ESYT1: variants seen among roughly 807,000 people sequenced by gnomAD.
ESYT1 encodes extended synaptotagmin 1.
ESYT1 carries 116 observed loss-of-function variants against 154.2 expected under a neutral mutation model. The observed-to-expected ratio is 0.75, with a 90% CI of 0.65 to 0.88. The LOEUF (loss-of-function observed/expected upper bound fraction) is 0.88, where lower values mean the gene tolerates loss of function less well. Among genes scored for constraint, ESYT1 ranks in the 40% least tolerant of loss-of-function variants. The pLI is 0.00. For missense variants in ESYT1, 1,264 were observed against 1,379.3 expected (o/e 0.92, Z 1.32); for synonymous variants, 500 against 539.9 (o/e 0.93, Z 1.02).
At chr12:56,136,610 A>G in intron 15 of ESYT1, 134 bp from the exon 16 acceptor site, 2 of 607,720 alleles carry the variant, frequency 3.3e-6, no homozygotes, top group Non-Finnish European at 4.8e-6. Context: ...AAAAAAAAAA[A>G]GATGGCCCTG....
In ESYT1 at chr12:56,142,151, T is replaced by A; in HGVS notation, c.2593-134T>A. On this transcript the variant is annotated intron_variant, in intron 24 of 30. Transcript: ENST00000394048. The surrounding 1 kb of genome is among the most constrained non-coding windows in gnomAD (Gnocchi z 4.1). ...AGGGAGGGACTAGCAACTGTTACCATGGCTTCCCTGCCTTTCTCAAAGGGA... is the reference window on the plus strand; with the variant it reads ...AGGGAGGGACTAGCAACTGTTACCAAGGCTTCCCTGCCTTTCTCAAAGGGA... 2 of 1,004,284 alleles carry A rather than the reference T, an allele frequency of 2.0e-6. No homozygotes were observed. The highest frequency in any genetic ancestry group is 2.9e-6 in the Non-Finnish European group (2 of 683,836). The allele number at this position is 1,004,284 out of a possible 1,614,324, so 62.2% of individuals were successfully genotyped here. A position where few individuals can be genotyped will look rare whatever the true frequency, so the allele number is the denominator to read the frequency against.
Position 56,142,715 on chromosome 12 carries a change from C to T in ESYT1, c.2871C>T (p.Arg957=). 6.2e-7 allele frequency: 1 copy of T among 1,613,912 alleles called. No individual in the cohort carries two copies. The highest frequency in any genetic ancestry group is 8.5e-7 in the Non-Finnish European group (1 of 1,180,044). Residue 957 remains arginine (R), a synonymous_variant, in exon 26 of 31, where the codon CGC becomes CGT. Coordinates refer to ENST00000394048, the MANE Select transcript of ESYT1 (RefSeq NM_015292.3). This position sits in a 1 kb window ranked among gnomAD's most constrained non-coding sequence, Gnocchi z 4.1. The part of the protein sequence containing the change: ...ITSSAPELRQ[R]LTHVDSPLEA... ...CCTCAGCCCCAGAGCTCCGGCAGCG[C>T]CTAACACATGTTGACAGGTAAAGGG...
chr12:56,143,810 C>T lies in ESYT1; in HGVS notation c.3276-13C>T, dbSNP rs963711735. 1.2e-6 allele frequency: 2 copies of T among 1,614,038 alleles called. No individual in the cohort carries two copies. Among genetic ancestry groups the T allele is most frequent in the South Asian group, 1.1e-5 (1 of 91,078 alleles). ...ACAAGAGTCATCTTTCTACATGAGC[C>T]CTCTTTTCACAGGTATGACCTGATG... On this transcript the variant is annotated splice_polypyrimidine_tract_variant and intron_variant, in intron 30 of 30. Transcript: ENST00000394048.
Position 56,143,829 on chromosome 12 carries a change from C to A in ESYT1, c.3282C>A (p.Asp1094Glu), listed in dbSNP as rs758018341. The A allele has an allele frequency of 6.2e-7, 1 of 1,614,070 alleles. No individual in the cohort carries two copies. The highest frequency in any genetic ancestry group is 1.1e-5 in the South Asian group (1 of 91,084). The change falls in exon 31 of 31, where the codon GAC becomes GAA. Residue 1094 changes from aspartate (D) to glutamate (E), a missense_variant. By Grantham distance (45) the Asp-to-Glu change is conservative. Transcript: ENST00000394048. Reference sequence around the variant, plus strand: ...ATGAGCCCTCTTTTCACAGGTATGACCTGATGGACAACAAGGACAAGGGCA... The same window carrying A: ...ATGAGCCCTCTTTTCACAGGTATGAACTGATGGACAACAAGGACAAGGGCA... ...DLSQGVARWY[D>E]LMDNKDKGSS is the part of the protein sequence containing the mutation.
At position 56,142,583 on chromosome 12, in the gene ESYT1, G is replaced by C. The variant is rs1213673685; in HGVS notation, c.2739G>C (p.Leu913=). The part of the protein sequence containing the change: ...QVLLRAQLGI[L]VSQHSGVEAH... The stretch of plus-strand genomic sequence containing the variant: ...CACAGCTTTCTTGCCCCTAGATCCT[G>C]GTGTCCCAGCACTCGGGAGTGGAAG... Residue 913 remains leucine (L), a synonymous_variant, in exon 26 of 31, where the codon CTG becomes CTC. Coordinates refer to ENST00000394048, the MANE Select transcript of ESYT1 (RefSeq NM_015292.3). This position sits in a 1 kb window ranked among gnomAD's most constrained non-coding sequence, Gnocchi z 4.1. 1 of 1,614,116 alleles carries C rather than the reference G, an allele frequency of 6.2e-7. No homozygotes were observed. Among genetic ancestry groups the C allele is most frequent in the Non-Finnish European group, 8.5e-7 (1 of 1,180,028 alleles).
intron 24 of ESYT1, among the ~76,000 whole-genome samples, chr12:56,141,566 CTGT>C (rs1266301776): frequency 6.6e-6 from 1 of 152,130 alleles, no homozygotes; most frequent in African/African-American, 2.4e-5. Flanking sequence ...CGGTGAAACC[CTGT>C]CTCTATTAAA....
At chr12:56,133,236 C>T (rs1255601933) in intron 10 of ESYT1, among the ~76,000 whole-genome samples, 181 bp from the exon 11 acceptor site, 2 of 152,156 alleles carry the variant, frequency 1.3e-5, no homozygotes, top group South Asian at 2.1e-4. Flanking sequence ...CTAACCTCCC[C>T]ACCCCCAGCC....
Position 56,137,614 on chromosome 12 carries a change from G to A in ESYT1, c.2054G>A (p.Arg685Gln), listed in dbSNP as rs575075620. 1.3e-5 allele frequency: 21 copies of A among 1,614,154 alleles called. No individual in the cohort carries two copies. In the East Asian group the frequency reaches 2.5e-4, roughly 19 times the overall value. Residue 685 changes from arginine to glutamine, a missense_variant, in exon 18 of 31, where the codon CGA becomes CAA. Arg to Gln is a conservative substitution (Grantham distance 43). Coordinates refer to ENST00000394048, the MANE Select transcript of ESYT1 (RefSeq NM_015292.3). ...DPYVKLKLAG[R>Q]SFRSHVVRED... ...TATGTCAAACTAAAGTTGGCAGGAC[G>A]AAGCTTCCGGAGCCATGTTGTTCGG... is the stretch of plus-strand genomic sequence containing the variant.
Position 56,132,607 on chromosome 12 carries a change from T to C in ESYT1, c.1161+10T>C, listed in dbSNP as rs768309306. 1.2e-6 allele frequency: 2 copies of C among 1,613,670 alleles called. No individual in the cohort carries two copies. Among genetic ancestry groups the C allele is most frequent in the South Asian group, 1.1e-5 (1 of 91,052 alleles). On this transcript the variant is annotated intron_variant, in intron 9 of 30. Coordinates refer to ENST00000394048, the MANE Select transcript of ESYT1 (RefSeq NM_015292.3). ...GGGAGAGACTTATGAGGTGGGAGAGTTGAGCAGCTCTGTGAAATGGGGAAG... is the reference window on the plus strand; with the variant it reads ...GGGAGAGACTTATGAGGTGGGAGAGCTGAGCAGCTCTGTGAAATGGGGAAG...
At chr12:56,128,906 C>CT in intron 1 of ESYT1, 197 bp downstream of exon 1, 2 of 625,000 alleles carry the variant, frequency 3.2e-6, no homozygotes, top group Non-Finnish European at 5.5e-6. Flanking sequence ...CCCACCCACC[C>CT]TTTCGCATGC....
At chr12:56,128,745 C>CCCCCTTCCA (rs1295855437) in intron 1 of ESYT1, 36 bp downstream of exon 1, 1 of 1,607,760 alleles carries the variant, frequency 6.2e-7, no homozygotes, top group Non-Finnish European at 8.5e-7. Context: ...TGCAGCATAG[C>CCCCCTTCCA]CCCCTTCCAC....
Position 56,142,537 on chromosome 12 carries a change from C to A in ESYT1, c.2734-41C>A, listed in dbSNP as rs1306600592. ...GGGCCGTGTCCTTAGAGTGAGGGAACTGAGAGAACTCTGCCCAGCTCACAG... is the reference window on the plus strand; with the variant it reads ...GGGCCGTGTCCTTAGAGTGAGGGAAATGAGAGAACTCTGCCCAGCTCACAG... On this transcript the variant is annotated intron_variant, in intron 25 of 30. Coordinates refer to ENST00000394048, the MANE Select transcript of ESYT1 (RefSeq NM_015292.3). The surrounding 1 kb of genome is among the most constrained non-coding windows in gnomAD (Gnocchi z 4.1). 6 of 1,613,642 alleles carry A rather than the reference C, an allele frequency of 3.7e-6. No homozygotes were observed. The highest frequency in any genetic ancestry group is 5.1e-6 in the Non-Finnish European group (6 of 1,179,740).
At position 56,131,477 on chromosome 12, in the gene ESYT1, C is replaced by T. The variant is rs1320513266; in HGVS notation, c.715C>T (p.Leu239=). The change falls in exon 6 of 31, where the codon CTA becomes TTA. Residue 239 remains leucine, a splice_region_variant and synonymous_variant. Coordinates refer to ENST00000394048, the MANE Select transcript of ESYT1 (RefSeq NM_015292.3). ...CTTTGATTTTCTCTTCTTGCCTCAG[C>T]TACATGGCGTTTTGCGGGTGATACT... ...FCKAGVKGMQ[L]HGVLRVILEP... 1.2e-6 allele frequency: 2 copies of T among 1,614,138 alleles called. No homozygotes were observed. The highest frequency in any genetic ancestry group is 1.7e-6 in the Non-Finnish European group (2 of 1,180,008).
Position 56,128,639 on chromosome 12 carries a change from A to T in ESYT1, c.320A>T (p.Gln107Leu). The change falls in exon 1 of 31, where the codon CAG becomes CTG. Residue 107 changes from glutamine to leucine, a missense_variant. By Grantham distance (113) the Gln-to-Leu change is moderately radical. Coordinates refer to ENST00000394048, the MANE Select transcript of ESYT1 (RefSeq NM_015292.3). Reference sequence around the variant, plus strand: ...GAACGGAGCCTTCGAGCAGCGAGGCAGCTACTGGACGACGAGGAGCAGCTC... The same window carrying T: ...GAACGGAGCCTTCGAGCAGCGAGGCTGCTACTGGACGACGAGGAGCAGCTC... ...EKERSLRAAR[Q>L]LLDDEEQLTA... 2 of 1,614,200 alleles carry T rather than the reference A, an allele frequency of 1.2e-6. No individual in the cohort carries two copies. Among genetic ancestry groups the T allele is most frequent in the Non-Finnish European group, 8.5e-7 (1 of 1,180,022 alleles).
Position 56,142,329 on chromosome 12 carries a change from C to T in ESYT1, c.2637C>T (p.Pro879=). 1 of 1,614,144 alleles carries T rather than the reference C, an allele frequency of 6.2e-7. No individual in the cohort carries two copies. Among genetic ancestry groups the T allele is most frequent in the East Asian group, 2.2e-5 (1 of 44,888 alleles). The part of the protein sequence containing the change: ...GTGVLGSLSL[P]LSELLVADQL... Reference sequence around the variant, plus strand: ...GCGTGCTGGGCTCATTATCCCTGCCCCTCTCAGAGCTCCTCGTGGCTGACC... The same window carrying T: ...GCGTGCTGGGCTCATTATCCCTGCCTCTCTCAGAGCTCCTCGTGGCTGACC... Residue 879 remains proline (P), a synonymous_variant, in exon 25 of 31, where the codon CCC becomes CCT. Coordinates refer to ENST00000394048, the MANE Select transcript of ESYT1 (RefSeq NM_015292.3). This position sits in a 1 kb window ranked among gnomAD's most constrained non-coding sequence, Gnocchi z 4.1.
intron 6 of ESYT1, 35 bp from the exon 7 acceptor site, chr12:56,131,714 T>G (rs1565873020): frequency 6.2e-7 from 1 of 1,613,600 alleles, no homozygotes; most frequent in South Asian, 1.1e-5. Context: ...CCACACCCCA[T>G]AGGATCTGTC....
intron 30 of ESYT1, 46 bp from the exon 31 acceptor site, chr12:56,143,777 A>G: frequency 6.2e-7 from 1 of 1,613,886 alleles, no homozygotes; most frequent in Non-Finnish European, 8.5e-7. Context: ...ATTTATAAAT[A>G]TGATGACACA....
intron 1 of ESYT1, 29 bp downstream of exon 1, chr12:56,128,738 A>T: frequency 6.2e-7 from 1 of 1,610,944 alleles, no homozygotes. Context: ...TCCTCTGTGC[A>T]GCATAGCCCC....
At position 56,139,283 on chromosome 12, in the gene ESYT1, A is replaced by AT. The variant is rs1020023885; in HGVS notation, c.2592+278dup. On this transcript the variant is annotated intron_variant, in intron 24 of 30. Coordinates refer to ENST00000394048, the MANE Select transcript of ESYT1 (RefSeq NM_015292.3). ...GCCACCACACCTGGCTAATTTTTGC[A>AT]TTTTTTTTAGTAGAGATGGAGTTTC... Among the ~76,000 whole-genome samples, 15 of 151,198 alleles carry AT rather than the reference A, an allele frequency of 9.9e-5. No homozygotes were observed. The South Asian group carries it at 1.0e-3, about 11-fold the overall frequency.
Sources: gnomAD v4.1 joint callset for allele counts (sites outside exome capture counted in the v4.1 genomes callset) on GRCh38, gnomAD v4.1.1 for gene constraint, Gnocchi (gnomAD v3.1) non-coding constraint, MANE v1.5 for transcripts, NCBI Gene and HGNC (gene_info 2026-07-23, HGNC 2026-07-21) for gene names.